CARMIL1: variants seen among roughly 807,000 people sequenced by gnomAD.
CARMIL1 encodes capping protein regulator and myosin 1 linker 1.
A neutral mutation model predicts 177.1 loss-of-function variants in CARMIL1; 90 were observed. The observed-to-expected ratio is 0.51, with a 90% CI of 0.43 to 0.61. CARMIL1 has a LOEUF of 0.61. Among genes scored for constraint, CARMIL1 ranks in the 20% least tolerant of loss-of-function variants. The probability of loss-of-function intolerance (pLI) is 0.00; values close to 1 mark genes in which losing one functional copy is unlikely to be tolerated. For missense variants in CARMIL1, 1,380 were observed against 1,667.0 expected (o/e 0.83, Z 3.00); for synonymous variants, 577 against 606.2 (o/e 0.95, Z 0.71).
rs780483491 is a variant in CARMIL1, at chr6:25,556,686, G to A, written c.2593-15G>A. The A allele has an allele frequency of 5.4e-5, 87 of 1,608,154 alleles. No individual in the cohort carries two copies. In the Middle Eastern group the frequency reaches 2.5e-3, roughly 46 times the overall value. On this transcript the variant is annotated splice_polypyrimidine_tract_variant and intron_variant, in intron 28 of 36. Coordinates refer to ENST00000329474, the MANE Select transcript of CARMIL1 (RefSeq NM_017640.6). ...TGTACTTTAATTTCTCCTCGTACAC[G>A]TCTTGACCTTCTAGGCTGACCATTT...
intron 17 of CARMIL1, among the ~76,000 whole-genome samples, chr6:25,500,683 C>A (rs892073087): frequency 2.0e-5 from 3 of 152,040 alleles, no homozygotes; most frequent in Non-Finnish European, 2.9e-5. Flanking sequence ...AATTAACATA[C>A]CTCTAGAAAG....
chr6:25,353,704 C>T (rs951692606), intron 2 of CARMIL1, among the ~76,000 whole-genome samples: 3 of 152,002 alleles, frequency 2.0e-5, no homozygotes, highest in East Asian at 1.9e-4. Flanking sequence ...GCACTTTGTA[C>T]GTTTCTCTTA....
At chr6:25,470,545 T>A (rs1470558936) in intron 9 of CARMIL1, among the ~76,000 whole-genome samples, 1 of 152,236 alleles carries the variant, frequency 6.6e-6, no homozygotes, top group Admixed American at 6.5e-5. Context: ...TTTATTATTT[T>A]ATCATAATTG....
chr6:25,607,797 A>G (rs1816120109), intron 35 of CARMIL1, among the ~76,000 whole-genome samples: 1 of 152,128 alleles, frequency 6.6e-6, no homozygotes, highest in South Asian at 2.1e-4. Flanking sequence ...TTCATAGCCC[A>G]TTGGTCCCTT....
intron 2 of CARMIL1, among the ~76,000 whole-genome samples, chr6:25,287,877 G>A (rs983898449): frequency 6.6e-6 from 1 of 152,218 alleles, no homozygotes; most frequent in African/African-American, 2.4e-5. Flanking sequence ...GAGTCTCTCT[G>A]TCTTTGATTG....
At chr6:25,387,736 T>C (rs80263729) in intron 2 of CARMIL1, among the ~76,000 whole-genome samples, 8,559 of 152,274 alleles carry the variant, frequency 0.056, 272 homozygotes, top group Non-Finnish European at 0.07. Context: ...TGACTTCTAA[T>C]TGAAGCAAAC....
At chr6:25,330,675 C>G (rs1174830548) in intron 2 of CARMIL1, among the ~76,000 whole-genome samples, 2 of 137,286 alleles carry the variant, frequency 1.5e-5, no homozygotes, top group South Asian at 2.7e-4. Context: ...CGCACCCCCC[C>G]GCCCATCTCT....
intron 2 of CARMIL1, among the ~76,000 whole-genome samples, chr6:25,353,057 C>T (rs962323918): frequency 6.6e-6 from 1 of 152,156 alleles, no homozygotes; most frequent in African/African-American, 2.4e-5. Context: ...CCATCACAAG[C>T]CTGGCTTTAC....
intron 2 of CARMIL1, among the ~76,000 whole-genome samples, chr6:25,367,836 G>A (rs898827999): frequency 1.3e-5 from 2 of 152,130 alleles, no homozygotes; most frequent in African/African-American, 4.8e-5. Flanking sequence ...TCGGCTCACT[G>A]CAGCTTCTGC....
Position 25,517,370 on chromosome 6 carries a change from A to G in CARMIL1, c.1829A>G (p.Asn610Ser). The G allele has an allele frequency of 1.2e-6, 2 of 1,613,434 alleles. No homozygotes were observed. The highest frequency in any genetic ancestry group is 1.7e-6 in the Non-Finnish European group (2 of 1,179,596). The change falls in exon 22 of 37, where the codon AAC becomes AGC. Residue 610 changes from asparagine to serine, a missense_variant. Physicochemically the swap from Asn to Ser is conservative, Grantham distance 46. Coordinates refer to ENST00000329474, the MANE Select transcript of CARMIL1 (RefSeq NM_017640.6). ...AGGACTGTAATATGGGACAAGAACAACATCACTGCACAAGGCTTTCAGGAT... is the reference window on the plus strand; with the variant it reads ...AGGACTGTAATATGGGACAAGAACAGCATCACTGCACAAGGCTTTCAGGAT... The part of the protein sequence containing the change: ...KLRTVIWDKN[N>S]ITAQGFQDIA...
chr6:25,424,872 GT>G (rs556056112), intron 3 of CARMIL1, among the ~76,000 whole-genome samples: 2 of 152,292 alleles, frequency 1.3e-5, no homozygotes, highest in South Asian at 4.2e-4. Flanking sequence ...AGCCATACTT[GT>G]GAGTATGGCT....
At chr6:25,305,067 A>G (rs1783155298) in intron 2 of CARMIL1, among the ~76,000 whole-genome samples, 1 of 152,164 alleles carries the variant, frequency 6.6e-6, no homozygotes, top group South Asian at 2.1e-4. Context: ...TGATTTTGGC[A>G]TTTCTGAATA....
intron 2 of CARMIL1, among the ~76,000 whole-genome samples, chr6:25,307,342 C>T (rs1006070950): frequency 1.3e-5 from 2 of 152,098 alleles, no homozygotes; most frequent in Non-Finnish European, 2.9e-5. Context: ...TTCGTGTTTC[C>T]TGAATGTCTG....
At chr6:25,465,820 C>CA (rs1371039183) in intron 8 of CARMIL1, 53 bp from the exon 9 acceptor site, 9 of 995,736 alleles carry the variant, frequency 9.0e-6, no homozygotes, top group Middle Eastern at 2.1e-4. Context: ...AATTAAGTGT[C>CA]AGTGTAGCTA....
At chr6:25,300,378 A>G (rs553179637) in intron 2 of CARMIL1, among the ~76,000 whole-genome samples, 103 of 152,328 alleles carry the variant, frequency 6.8e-4, no homozygotes, top group Admixed American at 3.7e-3. Flanking sequence ...TCAAAAATGC[A>G]AAAGCAGGCC....
chr6:25,326,068 C>T lies in CARMIL1; in HGVS notation c.138+41159C>T, dbSNP rs913699370. Among the ~76,000 whole-genome samples, 14 of 152,076 alleles carry T rather than the reference C, an allele frequency of 9.2e-5. No individual in the cohort carries two copies. The highest frequency in any genetic ancestry group is 3.1e-4 in the African/African-American group (13 of 41,404). ...GTATTTTAGTAGAGACGGAGTTTCA[C>T]CGTGTTGGCCAGGATGGTGTCGATT... On this transcript the variant is annotated intron_variant, in intron 2 of 36. Coordinates refer to ENST00000329474, the MANE Select transcript of CARMIL1 (RefSeq NM_017640.6). This position sits in a 1 kb window ranked among gnomAD's most constrained non-coding sequence, Gnocchi z 4.2.
At position 25,406,718 on chromosome 6, in the gene CARMIL1, C is replaced by T. The variant is rs1240071898; in HGVS notation, c.139-13396C>T. Among the ~76,000 whole-genome samples, 4 of 152,138 alleles carry T rather than the reference C, an allele frequency of 2.6e-5. No homozygotes were observed. In the East Asian group the frequency reaches 7.7e-4, roughly 29 times the overall value. ...CTTTGGAAACCATATGGATGACCAT[C>T]CTTGTTCCTGAGCCAGACCTATTGT... On this transcript the variant is annotated intron_variant, in intron 2 of 36. Coordinates refer to ENST00000329474, the MANE Select transcript of CARMIL1 (RefSeq NM_017640.6).
intron 2 of CARMIL1, among the ~76,000 whole-genome samples, chr6:25,416,761 A>G (rs1795388142): frequency 6.6e-6 from 1 of 152,170 alleles, no homozygotes; most frequent in African/African-American, 2.4e-5. Context: ...CTGTGAGATG[A>G]TGAGTTTCTC....
intron 5 of CARMIL1, among the ~76,000 whole-genome samples, chr6:25,438,927 A>C (rs11751754): frequency 0.1 from 15,135 of 151,936 alleles, 1,147 homozygotes; most frequent in East Asian, 0.33. Flanking sequence ...TAATTTGGAC[A>C]CTTGTAGTAA....
Sources: allele counts gnomAD v4.1 joint callset (sites outside exome capture counted in the v4.1 genomes callset), GRCh38; gene constraint gnomAD v4.1.1; non-coding constraint Gnocchi (gnomAD v3.1); transcripts MANE v1.5; gene names NCBI Gene and HGNC (gene_info 2026-07-23, HGNC 2026-07-21).